KCNQ1: variants seen among roughly 807,000 people sequenced by gnomAD.
The protein encoded by KCNQ1 is potassium voltage-gated channel subfamily KQT member 1.
In KCNQ1, 49 loss-of-function variants were observed where a neutral mutation model predicts 72.4. That is an observed-to-expected ratio of 0.68 (90% confidence interval 0.54 to 0.86). KCNQ1 has a LOEUF of 0.86. KCNQ1 is among the 40% of genes least tolerant of loss of function. KCNQ1 has a pLI of 0.00. For synonymous variants in KCNQ1, 450 were observed against 412.6 expected (o/e 1.09, Z -1.10); for missense variants, 790 against 945.1 (o/e 0.84, Z 2.15).
chr11:2,760,637 C>T (rs764689980), intron 11 of KCNQ1, among the ~76,000 whole-genome samples: 2 of 152,162 alleles, frequency 1.3e-5, no homozygotes, highest in African/African-American at 4.8e-5. Flanking sequence ...GCACCAGCCC[C>T]GGGCCCTCAG....
At chr11:2,523,716 C>T (rs777203948) in intron 1 of KCNQ1, among the ~76,000 whole-genome samples, 38 of 149,490 alleles carry the variant, frequency 2.5e-4, no homozygotes, top group Non-Finnish European at 3.4e-4. Context: ...GCAGGTAATT[C>T]TGTTCGCTCG....
intron 15 of KCNQ1, among the ~76,000 whole-genome samples, chr11:2,779,750 T>G (rs2133994759): frequency 6.6e-6 from 1 of 152,248 alleles, no homozygotes; most frequent in South Asian, 2.1e-4. Context: ...CTTCCTGACG[T>G]GCACAGCAGC....
Position 2,653,140 on chromosome 11 carries a change from G to A in KCNQ1, c.1394-8821G>A. 1 of 398,744 alleles carries A rather than the reference G, an allele frequency of 2.5e-6. No individual in the cohort carries two copies. Among genetic ancestry groups the A allele is most frequent in the Non-Finnish European group, 4.4e-6 (1 of 226,120 alleles). 24.7% of individuals were successfully genotyped at this position (398,744 alleles called of 1,614,324 possible). A position where few individuals can be genotyped will look rare whatever the true frequency, so the allele number is the denominator to read the frequency against. The stretch of plus-strand genomic sequence containing the variant: ...GGAGATGAGGACTTGCATCACAGCA[G>A]TAGAAAGCCAATGTCCCACCTTAGG... On this transcript the variant is annotated intron_variant, in intron 10 of 15. Transcript: ENST00000155840. The surrounding 1 kb of genome is among the most constrained non-coding windows in gnomAD (Gnocchi z 5.3).
chr11:2,458,543 C>T lies in KCNQ1; in HGVS notation c.386+13059C>T, dbSNP rs1222966148. On this transcript the variant is annotated intron_variant, in intron 1 of 15. Coordinates refer to ENST00000155840, the MANE Select transcript of KCNQ1 (RefSeq NM_000218.3). The surrounding 1 kb of genome is among the most constrained non-coding windows in gnomAD (Gnocchi z 4.6). Reference sequence around the variant, plus strand: ...GCTCCTGGTGAGGTCAGGGATTCCGCATGCAGCGTCACAGCTGCCAACCTC... The same window carrying T: ...GCTCCTGGTGAGGTCAGGGATTCCGTATGCAGCGTCACAGCTGCCAACCTC... Among the ~76,000 whole-genome samples the T allele has an allele frequency of 6.6e-6, 1 of 152,248 alleles. No individual in the cohort carries two copies. The highest frequency in any genetic ancestry group is 1.9e-4 in the East Asian group (1 of 5,192).
Position 2,549,681 on chromosome 11 carries a change from C to T in KCNQ1, c.478-20947C>T, listed in dbSNP as rs1022345227. Among the ~76,000 whole-genome samples the T allele has an allele frequency of 1.3e-5, 2 of 152,184 alleles. No individual in the cohort carries two copies. Among genetic ancestry groups the T allele is most frequent in the African/African-American group, 2.4e-5 (1 of 41,534 alleles). ...AAGCACCTGGGGTGGGAACAAGAGG[C>T]GTTTTGTGTTCTGCATGGGTGGCCC... On this transcript the variant is annotated intron_variant, in intron 2 of 15. Transcript: ENST00000155840. The surrounding 1 kb of genome is among the most constrained non-coding windows in gnomAD (Gnocchi z 6.2).
chr11:2,658,696 A>G lies in KCNQ1; in HGVS notation c.1394-3265A>G, dbSNP rs1590012121. 3 of 398,466 alleles carry G rather than the reference A, an allele frequency of 7.5e-6. No individual in the cohort carries two copies. The highest frequency in any genetic ancestry group is 2.1e-5 in the African/African-American group (1 of 48,604). 24.7% of individuals were successfully genotyped at this position (398,466 alleles called of 1,614,324 possible). ...GTGGACAGAGCTAGGAAATATATGT[A>G]TGTATGTAACCTGAGTACACATACA... On this transcript the variant is annotated intron_variant, in intron 10 of 15. Transcript: ENST00000155840. This position sits in a 1 kb window ranked among gnomAD's most constrained non-coding sequence, Gnocchi z 4.9.
Position 2,446,874 on chromosome 11 carries a change from G to A in KCNQ1, c.386+1390G>A, listed in dbSNP as rs1846047197. 6.6e-6 allele frequency among the ~76,000 whole-genome samples: 1 copy of A among 152,212 alleles called. No individual in the cohort carries two copies. Among genetic ancestry groups the A allele is most frequent in the Non-Finnish European group, 1.5e-5 (1 of 68,040 alleles). On this transcript the variant is annotated intron_variant, in intron 1 of 15. Coordinates refer to ENST00000155840, the MANE Select transcript of KCNQ1 (RefSeq NM_000218.3). This position sits in a 1 kb window ranked among gnomAD's most constrained non-coding sequence, Gnocchi z 8.8. ...CGGGGGCTCGGCTTGGGGTTTGGGAGATATTTGTGTGCAGTGACCCCAGGG... is the reference window on the plus strand; with the variant it reads ...CGGGGGCTCGGCTTGGGGTTTGGGAAATATTTGTGTGCAGTGACCCCAGGG...
intron 15 of KCNQ1, among the ~76,000 whole-genome samples, chr11:2,802,767 G>C (rs1590099226): frequency 6.6e-6 from 1 of 152,274 alleles, no homozygotes; most frequent in Admixed American, 6.5e-5. Context: ...GAGCTAGAGG[G>C]GAGAAGCCAC....
intron 10 of KCNQ1, among the ~76,000 whole-genome samples, chr11:2,590,191 G>A (rs1340621911): frequency 1.3e-5 from 2 of 152,226 alleles, no homozygotes; most frequent in East Asian, 1.9e-4. Flanking sequence ...CAGGACAGGG[G>A]CGTGCACCTT....
Position 2,690,728 on chromosome 11 carries a change from G to A in KCNQ1, c.1514+28647G>A. The A allele has an allele frequency of 2.5e-6, 1 of 398,656 alleles. No homozygotes were observed. The highest frequency in any genetic ancestry group is 4.4e-6 in the Non-Finnish European group (1 of 226,074). 24.7% of individuals were successfully genotyped at this position (398,656 alleles called of 1,614,324 possible). ...GGCTTTCCATTTGATCCCAGTGGTT[G>A]AAGATGGAGTATGATCCCAAATCCC... On this transcript the variant is annotated intron_variant, in intron 11 of 15. Coordinates refer to ENST00000155840, the MANE Select transcript of KCNQ1 (RefSeq NM_000218.3). The surrounding 1 kb of genome is among the most constrained non-coding windows in gnomAD (Gnocchi z 5.1).
rs1479150658 is a variant in KCNQ1 at position 2,456,856 on chromosome 11, G to A, written c.386+11372G>A. On this transcript the variant is annotated intron_variant, in intron 1 of 15. Coordinates refer to ENST00000155840, the MANE Select transcript of KCNQ1 (RefSeq NM_000218.3). ...CGGGAGGCTGAGGCAGGAGAATGGC[G>A]TGAACCCAGGAGACGGAGCTTGCAG... is the stretch of plus-strand genomic sequence containing the variant. Among the ~76,000 whole-genome samples, 146 of 147,570 alleles carry A rather than the reference G, an allele frequency of 9.9e-4. 2 individuals carry two copies. Among genetic ancestry groups the A allele is most frequent in the East Asian group, 1.4e-3 (7 of 5,086 alleles).
At chr11:2,499,359 A>T (rs747389183) in intron 1 of KCNQ1, among the ~76,000 whole-genome samples, 3 of 152,176 alleles carry the variant, frequency 2.0e-5, no homozygotes, top group Non-Finnish European at 2.9e-5. Context: ...AGAGAAAATC[A>T]CCTTCACTAA....
intron 1 of KCNQ1, among the ~76,000 whole-genome samples, chr11:2,472,933 C>G (rs865902519): frequency 6.6e-6 from 1 of 152,068 alleles, no homozygotes; most frequent in Non-Finnish European, 1.5e-5. Context: ...CCCCATCACC[C>G]CAGCACCGAG....
At chr11:2,631,422 GTTTGT>G in intron 10 of KCNQ1, 1 of 396,900 alleles carries the variant, frequency 2.5e-6, no homozygotes, top group Non-Finnish European at 4.4e-6. Flanking sequence ...CCTCCAAAAT[GTTTGT>G]TTTTTTTTTA....
chr11:2,722,938 A>G (rs917749767), intron 11 of KCNQ1, among the ~76,000 whole-genome samples: 6 of 152,174 alleles, frequency 3.9e-5, no homozygotes, highest in African/African-American at 1.4e-4. Context: ...CCCAGGACCA[A>G]CTGGCAGATG....
At chr11:2,708,969 C>T (rs1238278277) in intron 11 of KCNQ1, among the ~76,000 whole-genome samples, 1 of 151,916 alleles carries the variant, frequency 6.6e-6, no homozygotes, top group African/African-American at 2.4e-5. Flanking sequence ...ATCTTGTGAG[C>T]CATCAGCTGT....
intron 11 of KCNQ1, among the ~76,000 whole-genome samples, chr11:2,721,750 C>T (rs12099153): frequency 4.6e-5 from 7 of 152,198 alleles, no homozygotes; most frequent in African/African-American, 1.2e-4. Flanking sequence ...GGTGATGGTC[C>T]CCTCGGCCTG....
rs185488896 is a variant in KCNQ1 at position 2,643,167 on chromosome 11, G to A, written c.1394-18794G>A. The A allele has an allele frequency of 7.5e-6, 3 of 398,262 alleles. No individual in the cohort carries two copies. The Admixed American group carries it at 1.3e-4, about 18-fold the overall frequency. 24.7% of individuals were successfully genotyped at this position (398,262 alleles called of 1,614,324 possible). Reference sequence around the variant, plus strand: ...TTTATGAACTGGTCTGTAAATGTCTGTTAGGTCCATTTGGTATAAAGTGCA... The same window carrying A: ...TTTATGAACTGGTCTGTAAATGTCTATTAGGTCCATTTGGTATAAAGTGCA... On this transcript the variant is annotated intron_variant, in intron 10 of 15. Transcript: ENST00000155840.
At chr11:2,838,849 G>T (rs1848141610) in intron 15 of KCNQ1, among the ~76,000 whole-genome samples, 1 of 152,142 alleles carries the variant, frequency 6.6e-6, no homozygotes, top group African/African-American at 2.4e-5. Flanking sequence ...GCTCGCCAGA[G>T]GGGGCAGCTC....
Sources: allele counts gnomAD v4.1 joint callset (sites outside exome capture counted in the v4.1 genomes callset), GRCh38; gene constraint gnomAD v4.1.1; non-coding constraint Gnocchi (gnomAD v3.1); transcripts MANE v1.5; gene names NCBI Gene and HGNC (gene_info 2026-07-23, HGNC 2026-07-21).